UBE2E2: variants seen among roughly 807,000 people sequenced by gnomAD.
UBE2E2 encodes the protein ubiquitin conjugating enzyme E2 E2.
Under a neutral mutation model 24.7 loss-of-function variants are expected in UBE2E2, and 6 were observed. That is an observed-to-expected ratio of 0.24 (90% CI 0.13 to 0.48). The LOEUF is 0.48. Among genes scored for constraint, UBE2E2 ranks in the 20% least tolerant of loss-of-function variants. The pLI is 0.99. For synonymous variants in UBE2E2, 104 were observed against 83.6 expected (o/e 1.24, Z -1.33); for missense variants, 169 against 245.0 (o/e 0.69, Z 2.07).
intron 3 of UBE2E2, among the ~76,000 whole-genome samples, chr3:23,411,098 GAACAAA>G (rs1180861314): frequency 6.6e-6 from 1 of 152,130 alleles, no homozygotes; most frequent in Non-Finnish European, 1.5e-5. Flanking sequence ...TCACATCACA[GAACAAA>G]AACATTAGGA....
intron 5 of UBE2E2, among the ~76,000 whole-genome samples, chr3:23,588,680 T>G (rs1404139481): frequency 6.6e-6 from 1 of 152,132 alleles, no homozygotes; most frequent in Non-Finnish European, 1.5e-5. Flanking sequence ...AGCACCCTGT[T>G]AGTTAAGAGG....
intron 5 of UBE2E2, among the ~76,000 whole-genome samples, chr3:23,558,495 T>C (rs1695843605): frequency 6.6e-6 from 1 of 152,194 alleles, no homozygotes; most frequent in Non-Finnish European, 1.5e-5. Context: ...ATGACGTTTG[T>C]ACCATCCTGA....
chr3:23,572,875 A>C (rs188478059), intron 5 of UBE2E2, among the ~76,000 whole-genome samples: 2 of 152,184 alleles, frequency 1.3e-5, no homozygotes, highest in Admixed American at 6.5e-5. Context: ...TGGTAGAACA[A>C]TCTATTTTCC....
chr3:23,589,880 A>G lies in UBE2E2; in HGVS notation c.*49A>G. ...GGGACCTGTGCAAGCACATTCACCA[A>G]GTGCATCGGTAGCCCTGCCCACCCC... On this transcript the variant is annotated 3_prime_UTR_variant, in exon 6 of 6. Transcript: ENST00000396703. The surrounding 1 kb of genome is among the most constrained non-coding windows in gnomAD (Gnocchi z 4.1). The G allele has an allele frequency of 6.3e-7, 1 of 1,577,890 alleles. No individual in the cohort carries two copies. Among genetic ancestry groups the G allele is most frequent in the South Asian group, 1.1e-5 (1 of 89,874 alleles).
intron 5 of UBE2E2, among the ~76,000 whole-genome samples, chr3:23,568,757 C>T (rs11718082): frequency 0.66 from 97,085 of 146,226 alleles, 33,738 homozygotes; most frequent in African/African-American, 0.88. Context: ...ATATGTATAA[C>T]ACTTTATAAA....
intron 3 of UBE2E2, among the ~76,000 whole-genome samples, chr3:23,240,345 A>AT (rs1214345951): frequency 8.5e-5 from 13 of 152,146 alleles, no homozygotes; most frequent in East Asian, 1.9e-4. Flanking sequence ...ACCCAATGAA[A>AT]TTTTTTTTCC....
intron 3 of UBE2E2, among the ~76,000 whole-genome samples, chr3:23,421,242 A>G (rs890028853): frequency 2.0e-5 from 3 of 152,218 alleles, no homozygotes; most frequent in Middle Eastern, 3.2e-3. Flanking sequence ...ATTAAACTCT[A>G]CATAATTAGG....
At position 23,279,902 on chromosome 3, in the gene UBE2E2, T is replaced by C. The variant is rs899095517; in HGVS notation, c.227+62590T>C. ...TCCCTGCTCTGGCCACTTAATTTTC[T>C]CTGAGGGTCTCATCTTAGCCACAGA... On this transcript the variant is annotated intron_variant, in intron 3 of 5. Transcript: ENST00000396703. Among the ~76,000 whole-genome samples, 8 of 152,352 alleles carry C rather than the reference T, an allele frequency of 5.3e-5. No individual in the cohort carries two copies. In the East Asian group the frequency reaches 1.5e-3, roughly 29 times the overall value.
intron 5 of UBE2E2, among the ~76,000 whole-genome samples, chr3:23,585,125 C>T (rs1320790368): frequency 6.6e-6 from 1 of 152,008 alleles, no homozygotes; most frequent in Non-Finnish European, 1.5e-5. Context: ...CCTGTAATCG[C>T]ACCACTTTTG....
At chr3:23,414,272 C>CA (rs1158066131) in intron 3 of UBE2E2, among the ~76,000 whole-genome samples, 1 of 152,192 alleles carries the variant, frequency 6.6e-6, no homozygotes, top group African/African-American at 2.4e-5. Flanking sequence ...TGGCTGGAGA[C>CA]ATTCAATCTA....
chr3:23,373,819 C>T (rs1250038625), intron 3 of UBE2E2, among the ~76,000 whole-genome samples: 11 of 152,162 alleles, frequency 7.2e-5, no homozygotes, highest in Non-Finnish European at 1.6e-4. Context: ...TATATGGTCA[C>T]TATACACATA....
chr3:23,550,840 T>C (rs963422830), intron 5 of UBE2E2, among the ~76,000 whole-genome samples: 1 of 152,096 alleles, frequency 6.6e-6, no homozygotes, highest in African/African-American at 2.4e-5. Context: ...AAGATCAAGA[T>C]GGCTAGCATT....
At chr3:23,387,390 C>G (rs1696827890) in intron 3 of UBE2E2, among the ~76,000 whole-genome samples, 1 of 152,198 alleles carries the variant, frequency 6.6e-6, no homozygotes, top group South Asian at 2.1e-4. Flanking sequence ...TGCAAATTTG[C>G]TACTCTTTTA....
At chr3:23,221,740 G>A (rs1312623228) in intron 3 of UBE2E2, among the ~76,000 whole-genome samples, 9 of 151,966 alleles carry the variant, frequency 5.9e-5, no homozygotes, top group East Asian at 3.9e-4. Context: ...GGATTCAAGC[G>A]ATTCTCCTGG....
intron 4 of UBE2E2, among the ~76,000 whole-genome samples, chr3:23,522,320 C>G (rs13088756): frequency 6.6e-6 from 1 of 151,964 alleles, no homozygotes. Context: ...TTAGTAGAGA[C>G]AGGGTTTCAC....
intron 3 of UBE2E2, among the ~76,000 whole-genome samples, chr3:23,281,550 A>T (rs2125371766): frequency 6.6e-6 from 1 of 152,292 alleles, no homozygotes; most frequent in South Asian, 2.1e-4. Flanking sequence ...AGGTGGGAGG[A>T]TTGCCTGAGC....
chr3:23,224,199 G>A (rs141442345), intron 3 of UBE2E2, among the ~76,000 whole-genome samples: 1,503 of 102,794 alleles, frequency 0.015, 26 homozygotes, highest in African/African-American at 0.047. Context: ...TGTGAAGAAT[G>A]TTATTGGTAT....
rs35038477 is a variant in UBE2E2, at chr3:23,348,347, C to CAAAAAAA, written c.227+131046_227+131052dup. The stretch of plus-strand genomic sequence containing the variant: ...GAATAAAATGAGCCTGTGCTGCTTT[C>CAAAAAAA]AAAAAAAAAAAAAAAAAGAATAGTC... On this transcript the variant is annotated intron_variant, in intron 3 of 5. Transcript: ENST00000396703. Among the ~76,000 whole-genome samples, 6 of 121,962 alleles carry CAAAAAAA rather than the reference C, an allele frequency of 4.9e-5. No homozygotes were observed. In the East Asian group the frequency reaches 7.6e-4, roughly 15 times the overall value. The allele number at this position is 121,962 out of a possible 152,430, so 80.0% of individuals were successfully genotyped here.
At chr3:23,409,291 A>C (rs1697444100) in intron 3 of UBE2E2, among the ~76,000 whole-genome samples, 1 of 152,232 alleles carries the variant, frequency 6.6e-6, no homozygotes, top group African/African-American at 2.4e-5. Context: ...TATTTGGGTC[A>C]CAGAAAGAAA....
Sources: allele counts gnomAD v4.1 joint callset (sites outside exome capture counted in the v4.1 genomes callset), GRCh38; gene constraint gnomAD v4.1.1; non-coding constraint Gnocchi (gnomAD v3.1); transcripts MANE v1.5; gene names NCBI Gene and HGNC (gene_info 2026-07-23, HGNC 2026-07-21).